Variants in FAM193B observed in about 807,000 individuals in gnomAD.
The protein encoded by FAM193B is family with sequence similarity 193 member B, also known as protein FAM193B.
Under a neutral mutation model 70.7 loss-of-function variants are expected in FAM193B, and 27 were observed. That is an observed-to-expected ratio of 0.38 (90% confidence interval 0.28 to 0.53). The LOEUF (loss-of-function observed/expected upper bound fraction) is 0.53. FAM193B is among the 20% of genes least tolerant of loss of function. The pLI is 0.81. For synonymous variants in FAM193B, 448 were observed against 436.0 expected (o/e 1.03, Z -0.34); for missense variants, 1,022 against 1,072.5 (o/e 0.95, Z 0.66).
intron 5 of FAM193B, among the ~76,000 whole-genome samples, chr5:177,530,701 C>T (rs937987491): frequency 6.6e-6 from 1 of 152,172 alleles, no homozygotes; most frequent in Non-Finnish European, 1.5e-5. Flanking sequence ...ACAGCTCTTC[C>T]GCAGGGCCTC....
intron 4 of FAM193B, among the ~76,000 whole-genome samples, chr5:177,534,715 AT>A (rs1763972198): frequency 1.3e-5 from 2 of 152,136 alleles, no homozygotes; most frequent in South Asian, 4.1e-4. Flanking sequence ...GGCTCAAGCG[AT>A]CCTGTCCCAC....
intron 5 of FAM193B, among the ~76,000 whole-genome samples, chr5:177,528,643 T>A (rs1018422332): frequency 6.6e-6 from 1 of 152,240 alleles, no homozygotes; most frequent in Non-Finnish European, 1.5e-5. Flanking sequence ...CCCTGTATAA[T>A]GGCTTTTTTC....
intron 1 of FAM193B, among the ~76,000 whole-genome samples, chr5:177,548,119 C>T (rs1392190040): frequency 6.6e-6 from 1 of 152,110 alleles, no homozygotes; most frequent in African/African-American, 2.4e-5. Context: ...TTTTTAGGCT[C>T]GATCTGGGTG....
intron 1 of FAM193B, chr5:177,552,056 C>T: frequency 1.0e-6 from 1 of 985,356 alleles, no homozygotes; most frequent in Non-Finnish European, 1.2e-6. Context: ...AAGTCCTTTT[C>T]TTTTCTTTTG....
intron 4 of FAM193B, among the ~76,000 whole-genome samples, chr5:177,534,274 T>C (rs1200957001): frequency 6.6e-6 from 1 of 151,254 alleles, no homozygotes; most frequent in African/African-American, 2.4e-5. Flanking sequence ...TCATTATCTA[T>C]TGCATTAGCA....
chr5:177,524,678 T>G lies in FAM193B; in HGVS notation c.1803A>C (p.Thr601=), dbSNP rs760287041. 5.0e-6 allele frequency: 8 copies of G among 1,610,092 alleles called. No individual in the cohort carries two copies. The African/African-American group carries it at 9.4e-5, about 19-fold the overall frequency. Residue 601 remains threonine (T), a synonymous_variant, in exon 6 of 9, where the codon ACA becomes ACC. Coordinates refer to ENST00000514747, the MANE Select transcript of FAM193B (RefSeq NM_001190946.3). ...PNLSRVIWVK[T]PKPGYPSSEE... ...CGGAGCTGGGGTAGCCCGGCTTGGG[T>G]GTCTTGACCCAGATCACCCGGGATA...
chr5:177,540,287 A>T (rs1183559473), intron 1 of FAM193B, among the ~76,000 whole-genome samples: 1 of 146,946 alleles, frequency 6.8e-6, no homozygotes, highest in African/African-American at 2.5e-5. Context: ...AGCCTGGGCG[A>T]CAGAGCGAGA....
chr5:177,543,566 T>C (rs2127482006), intron 1 of FAM193B, among the ~76,000 whole-genome samples: 1 of 152,362 alleles, frequency 6.6e-6, no homozygotes, highest in Admixed American at 6.5e-5. Context: ...CCCCTAGGTA[T>C]GATGCCTTGT....
At chr5:177,523,243 A>T in intron 7 of FAM193B, 2 of 357,626 alleles carry the variant, frequency 5.6e-6, no homozygotes, top group Non-Finnish European at 5.9e-6. Context: ...CAGGTGATCC[A>T]CCCGCCTCGG....
chr5:177,547,286 C>CTTTTTCTTTT (rs1554120823), intron 1 of FAM193B: 1 of 89,414 alleles, frequency 1.1e-5, no homozygotes, highest in African/African-American at 4.6e-5. Context: ...AAATTTATTT[C>CTTTTTCTTTT]TTTTTTTTTT....
In FAM193B at chr5:177,538,039, G is replaced by A. The variant is rs758425993; in HGVS notation, c.522C>T (p.Ser174=). 4 of 1,553,426 alleles carry A rather than the reference G, an allele frequency of 2.6e-6. No individual in the cohort carries two copies. Among genetic ancestry groups the A allele is most frequent in the Non-Finnish European group, 3.5e-6 (4 of 1,147,836 alleles). The change falls in exon 3 of 9, where the codon TCC becomes TCT. Residue 174 remains serine (S), a synonymous_variant. Coordinates refer to ENST00000514747, the MANE Select transcript of FAM193B (RefSeq NM_001190946.3). The surrounding 1 kb of genome is among the most constrained non-coding windows in gnomAD (Gnocchi z 4.1). The part of the protein sequence containing the change: ...CGDDSHSSSS[S]SSSSSSSSSS... ...AGGACGAGGATGAGGATGATGAGGA[G>A]GAAGACGAGGACGAATGAGAGTCAT...
intron 1 of FAM193B, chr5:177,553,942 C>T: frequency 8.1e-7 from 1 of 1,238,210 alleles, no homozygotes; most frequent in South Asian, 1.5e-5. Context: ...GGAGCTGCGG[C>T]CTCGGGATCA....
At chr5:177,530,185 G>A (rs1402258057) in intron 5 of FAM193B, among the ~76,000 whole-genome samples, 2 of 152,188 alleles carry the variant, frequency 1.3e-5, no homozygotes, top group Non-Finnish European at 2.9e-5. Flanking sequence ...GAGGGCTGCC[G>A]AGGAATAGAT....
chr5:177,537,444 A>T (rs1764304116), intron 3 of FAM193B, among the ~76,000 whole-genome samples: 1 of 152,234 alleles, frequency 6.6e-6, no homozygotes, highest in African/African-American at 2.4e-5. Context: ...TTACACTGCC[A>T]ATCTCTTGGG....
At chr5:177,529,997 A>G (rs756596469) in intron 5 of FAM193B, among the ~76,000 whole-genome samples, 4 of 152,184 alleles carry the variant, frequency 2.6e-5, no homozygotes, top group Non-Finnish European at 5.9e-5. Context: ...TCTGCTTTCC[A>G]AAGCACTAGG....
rs754825125 is a variant in FAM193B, at chr5:177,522,086, G to A, written c.2373-15C>T. On this transcript the variant is annotated splice_polypyrimidine_tract_variant and intron_variant, in intron 7 of 8. Coordinates refer to ENST00000514747, the MANE Select transcript of FAM193B (RefSeq NM_001190946.3). ...CCAAACAGAACCTGTTGGGTTTGGG[G>A]GACACATGAGAAGCACAATCAGAGG... 4 of 1,605,056 alleles carry A rather than the reference G, an allele frequency of 2.5e-6. 1 individual carries two copies. The East Asian group carries it at 6.7e-5, about 27-fold the overall frequency.
rs35349210 is a variant in FAM193B at position 177,531,746 on chromosome 5, G to A, written c.1275+697C>T. On this transcript the variant is annotated intron_variant, in intron 5 of 8. Coordinates refer to ENST00000514747, the MANE Select transcript of FAM193B (RefSeq NM_001190946.3). ...CAGAGCTGGGCAAACACTGACTGGG[G>A]AGCCAGAAAAACAAGTTGGAGCCCG... 1,553 of 646,378 alleles carry A rather than the reference G, an allele frequency of 2.4e-3. 5 individuals are homozygous for A. Among genetic ancestry groups the A allele is most frequent in the Non-Finnish European group, 3.0e-3 (1,370 of 451,194 alleles). 40.0% of individuals were successfully genotyped at this position (646,378 alleles called of 1,614,324 possible). A position where few individuals can be genotyped will look rare whatever the true frequency, so the allele number is the denominator to read the frequency against.
chr5:177,537,720 G>A (rs1000695834), intron 3 of FAM193B, among the ~76,000 whole-genome samples, 153 bp downstream of exon 3: 2 of 152,198 alleles, frequency 1.3e-5, no homozygotes, highest in African/African-American at 4.8e-5. Context: ...TCCAGAAATA[G>A]TCAAGGTCTA....
At chr5:177,531,241 A>G in intron 5 of FAM193B, 1 of 1,232,774 alleles carries the variant, frequency 8.1e-7, no homozygotes, top group Non-Finnish European at 1.1e-6. Flanking sequence ...GAGGGTCCTC[A>G]GGGAGGAGAG....
Sources: allele counts gnomAD v4.1 joint callset (sites outside exome capture counted in the v4.1 genomes callset), GRCh38; gene constraint gnomAD v4.1.1; non-coding constraint Gnocchi (gnomAD v3.1); transcripts MANE v1.5; gene names NCBI Gene and HGNC (gene_info 2026-07-23, HGNC 2026-07-21).